The following DOCK1 variants were observed in gnomAD, a reference collection of about 807,000 sequenced individuals.
DOCK1 encodes dedicator of cytokinesis 1, also known as dedicator of cytokinesis protein 1.
Under a neutral mutation model 262.7 loss-of-function variants are expected in DOCK1, and 138 were observed. The observed-to-expected ratio is 0.53, with a 90% CI of 0.46 to 0.61. The LOEUF (loss-of-function observed/expected upper bound fraction) is 0.61, where lower values mean the gene tolerates loss of function less well. Among genes scored for constraint, DOCK1 ranks in the 20% least tolerant of loss-of-function variants. The pLI is 0.00. For missense variants in DOCK1, 1,908 were observed against 2,370.7 expected (o/e 0.80, Z 4.05); for synonymous variants, 866 against 867.4 (o/e 1.00, Z 0.03).
chr10:127,083,736 A>T (rs2047043407), intron 23 of DOCK1, among the ~76,000 whole-genome samples: 1 of 152,208 alleles, frequency 6.6e-6, no homozygotes, highest in South Asian at 2.1e-4. Flanking sequence ...AAAAAGAAAA[A>T]CCCATTAAAA....
intron 38 of DOCK1, among the ~76,000 whole-genome samples, chr10:127,391,243 A>G (rs2066460735): frequency 6.6e-6 from 1 of 152,190 alleles, no homozygotes. Flanking sequence ...ACTCAATTTC[A>G]TTTCTGTAGT....
At chr10:127,193,814 C>T (rs2056914954) in intron 27 of DOCK1, among the ~76,000 whole-genome samples, 1 of 152,110 alleles carries the variant, frequency 6.6e-6, no homozygotes, top group South Asian at 2.1e-4. Flanking sequence ...CAGGGGAAAA[C>T]AACTGTGGCA....
intron 10 of DOCK1, among the ~76,000 whole-genome samples, chr10:127,003,319 A>ATGAACCTGTG (rs538405141): frequency 1.3e-5 from 2 of 149,814 alleles, no homozygotes; most frequent in Non-Finnish European, 3.0e-5. Context: ...TGTAACCTTT[A>ATGAACCTGTG]TGAACCTGTG....
At chr10:127,177,671 C>T (rs1016170363) in intron 27 of DOCK1, among the ~76,000 whole-genome samples, 1 of 152,218 alleles carries the variant, frequency 6.6e-6, no homozygotes, top group Non-Finnish European at 1.5e-5. Context: ...GACCTTGTGC[C>T]CTGTCCTGGG....
At chr10:127,429,782 C>T (rs576558246) in intron 47 of DOCK1, among the ~76,000 whole-genome samples, 116 of 152,022 alleles carry the variant, frequency 7.6e-4, no homozygotes, top group Non-Finnish European at 1.3e-3. Context: ...GCACCTGCCA[C>T]GTTCGGCATT....
intron 29 of DOCK1, chr10:127,257,684 C>G (rs1205715519): frequency 2.6e-5 from 9 of 341,800 alleles, no homozygotes; most frequent in Non-Finnish European, 3.9e-5. Context: ...AGCTGGATCT[C>G]CCCTAGCTGT....
At chr10:126,922,234 AG>A (rs1564984491) in intron 1 of DOCK1, among the ~76,000 whole-genome samples, 1 of 142,244 alleles carries the variant, frequency 7.0e-6, no homozygotes, top group African/African-American at 2.6e-5. Flanking sequence ...AAAAAAAAAA[AG>A]GAAAGAGTTA....
intron 31 of DOCK1, among the ~76,000 whole-genome samples, 178 bp from the exon 32 acceptor site, chr10:127,354,491 C>T (rs1421259978): frequency 6.6e-6 from 1 of 152,204 alleles, no homozygotes; most frequent in Non-Finnish European, 1.5e-5. Flanking sequence ...AGTGAGATTT[C>T]CCCCAGCTAG....
chr10:127,222,522 G>A (rs943404473), intron 27 of DOCK1, among the ~76,000 whole-genome samples: 5 of 152,158 alleles, frequency 3.3e-5, no homozygotes, highest in Admixed American at 1.3e-4. Context: ...TCATGTTAAC[G>A]TGGTAACATC....
rs2048190557 is a variant in DOCK1 at position 127,100,715 on chromosome 10, G to A, written c.2446-5516G>A. Among the ~76,000 whole-genome samples the A allele has an allele frequency of 6.6e-6, 1 of 152,024 alleles. No homozygotes were observed. The stretch of plus-strand genomic sequence containing the variant: ...GGAGAGGCAGGTGGCCACCCTGGGA[G>A]TGAGGGCCACGCGTGCCCCAGAGGT... On this transcript the variant is annotated intron_variant, in intron 23 of 51. Transcript: ENST00000623213. The surrounding 1 kb of genome is among the most constrained non-coding windows in gnomAD (Gnocchi z 5.5).
rs980132957 is a variant in DOCK1, at chr10:127,280,996, C to T, written c.3044+23567C>T. The stretch of plus-strand genomic sequence containing the variant: ...TAGCGAGTTACTCCTTTGGAATTTA[C>T]AGTAAAGCCATATTTAATATATTTC... On this transcript the variant is annotated intron_variant, in intron 29 of 51. Transcript: ENST00000623213. Among the ~76,000 whole-genome samples, 7 of 152,154 alleles carry T rather than the reference C, an allele frequency of 4.6e-5. No individual in the cohort carries two copies. In the South Asian group the frequency reaches 1.0e-3, roughly 23 times the overall value.
In DOCK1 at chr10:126,974,187, G is replaced by C. The variant is rs1250186375; in HGVS notation, c.130+3402G>C. On this transcript the variant is annotated intron_variant, in intron 2 of 51. Transcript: ENST00000623213. ...GTGTTGATTGAGTGACTCTTGTCTG[G>C]TCAAGGGCGTGCCAATCCTGCTGTC... Among the ~76,000 whole-genome samples the C allele has an allele frequency of 2.6e-5, 4 of 152,080 alleles. No homozygotes were observed. In the East Asian group the frequency reaches 7.7e-4, roughly 29 times the overall value.
At chr10:127,192,154 T>A (rs2056803677) in intron 27 of DOCK1, among the ~76,000 whole-genome samples, 1 of 152,188 alleles carries the variant, frequency 6.6e-6, no homozygotes, top group South Asian at 2.1e-4. Flanking sequence ...TCTTCTTTTC[T>A]TTTTTTGCTC....
intron 27 of DOCK1, among the ~76,000 whole-genome samples, chr10:127,230,781 G>GT (rs921572730): frequency 4.6e-5 from 7 of 150,648 alleles, no homozygotes; most frequent in Middle Eastern, 3.4e-3. Context: ...TTGTTTTTTT[G>GT]TTTTTTTGTT....
chr10:127,285,912 G>A (rs2061135305), intron 29 of DOCK1, among the ~76,000 whole-genome samples: 1 of 152,216 alleles, frequency 6.6e-6, no homozygotes, highest in African/African-American at 2.4e-5. Flanking sequence ...TCAGTGAACT[G>A]ATCTGATATC....
At chr10:127,448,709 A>C (rs2070756510) in intron 51 of DOCK1, among the ~76,000 whole-genome samples, 1 of 152,074 alleles carries the variant, frequency 6.6e-6, no homozygotes, top group Non-Finnish European at 1.5e-5. Flanking sequence ...ATCCAGCCTT[A>C]GTGAAGTAAT....
rs2061281645 is a variant in DOCK1, at chr10:127,289,638, T to C, written c.3044+32209T>C. Among the ~76,000 whole-genome samples the C allele has an allele frequency of 2.0e-5, 3 of 152,202 alleles. No individual in the cohort carries two copies. The South Asian group carries it at 6.2e-4, about 31-fold the overall frequency. On this transcript the variant is annotated intron_variant, in intron 29 of 51. Coordinates refer to ENST00000623213, the MANE Select transcript of DOCK1 (RefSeq NM_001290223.2). ...CCAACCTATTATGTTGCCAGACTTTTGTACCTTTGAAAATTTATCACATGA... is the reference window on the plus strand; with the variant it reads ...CCAACCTATTATGTTGCCAGACTTTCGTACCTTTGAAAATTTATCACATGA...
intron 27 of DOCK1, among the ~76,000 whole-genome samples, chr10:127,200,591 A>G (rs1406254994): frequency 1.3e-5 from 2 of 152,126 alleles, no homozygotes; most frequent in African/African-American, 4.8e-5. Context: ...TTTAGTAGAA[A>G]TGAGGTTTCA....
At chr10:127,145,071 C>T (rs555193069) in intron 27 of DOCK1, among the ~76,000 whole-genome samples, 3 of 152,304 alleles carry the variant, frequency 2.0e-5, no homozygotes, top group Admixed American at 6.5e-5. Context: ...CGTGACCATA[C>T]TGGAGAACTT....
Sources: gnomAD v4.1 joint callset for allele counts (sites outside exome capture counted in the v4.1 genomes callset) on GRCh38, gnomAD v4.1.1 for gene constraint, Gnocchi (gnomAD v3.1) non-coding constraint, MANE v1.5 for transcripts, NCBI Gene and HGNC (gene_info 2026-07-23, HGNC 2026-07-21) for gene names.